BRF1: variants seen among roughly 807,000 people sequenced by gnomAD.
The protein encoded by BRF1 is transcription factor IIIB 90 kDa subunit.
Under a neutral mutation model 81.7 loss-of-function variants are expected in BRF1, and 59 were observed. The ratio of observed to expected loss-of-function variants is 0.72; its 90% confidence interval spans 0.59 to 0.90. BRF1 has a LOEUF of 0.90. Among genes scored for constraint, BRF1 ranks in the 40% least tolerant of loss-of-function variants. BRF1 has a pLI of 0.00. For synonymous variants in BRF1, 491 were observed against 395.6 expected (o/e 1.24, Z -2.86); for missense variants, 1,050 against 936.3 (o/e 1.12, Z -1.58).
intron 6 of BRF1, among the ~76,000 whole-genome samples, chr14:105,229,640 G>C (rs1418819228): frequency 6.6e-6 from 1 of 151,060 alleles, no homozygotes; most frequent in African/African-American, 2.4e-5. Flanking sequence ...GCCCAGCTGG[G>C]GGCGGGGGAC....
At chr14:105,260,639 G>T (rs964908668) in intron 3 of BRF1, among the ~76,000 whole-genome samples, 1 of 152,124 alleles carries the variant, frequency 6.6e-6, no homozygotes, top group Non-Finnish European at 1.5e-5. Context: ...GCCTCCCAAA[G>T]TGCTGGGATT....
intron 5 of BRF1, chr14:105,250,533 A>G: frequency 6.2e-7 from 1 of 1,614,104 alleles, no homozygotes. Context: ...GACGGCAGCG[A>G]ACTCAGCTAC....
chr14:105,292,657 G>C (rs587724730), intron 1 of BRF1, among the ~76,000 whole-genome samples: 61 of 152,330 alleles, frequency 4.0e-4, no homozygotes, highest in South Asian at 2.1e-3. Context: ...TGGGGACGGG[G>C]ACCCGGGAAC....
At chr14:105,294,263 C>A (rs1048352153) in intron 1 of BRF1, among the ~76,000 whole-genome samples, 7 of 152,230 alleles carry the variant, frequency 4.6e-5, no homozygotes, top group African/African-American at 1.7e-4. Context: ...GCTGGGCCTG[C>A]GCCTCCCTCC....
At chr14:105,229,073 T>G (rs138535691) in intron 6 of BRF1, among the ~76,000 whole-genome samples, 160 bp from the exon 7 acceptor site, 12 of 152,224 alleles carry the variant, frequency 7.9e-5, no homozygotes, top group African/African-American at 2.4e-4. Context: ...TGGCTACTCC[T>G]GAACGACATG....
At chr14:105,267,623 A>G (rs147496270) in intron 3 of BRF1, among the ~76,000 whole-genome samples, 1 of 152,156 alleles carries the variant, frequency 6.6e-6, no homozygotes, top group Non-Finnish European at 1.5e-5. Context: ...TGAAATGCCA[A>G]CGTCTTCATG....
chr14:105,313,109 C>T (rs771797498), intron 1 of BRF1, among the ~76,000 whole-genome samples: 6 of 152,276 alleles, frequency 3.9e-5, no homozygotes, highest in South Asian at 2.1e-4. Flanking sequence ...TTAGTCACCC[C>T]GCATCTCCTC....
upstream of BRF1, among the ~76,000 whole-genome samples, chr14:105,303,024 G>A (rs1299002244): frequency 6.6e-6 from 1 of 151,740 alleles, no homozygotes; most frequent in African/African-American, 2.4e-5. Flanking sequence ...CACCTCCCAG[G>A]TTCAAGTGAT....
chr14:105,312,718 T>TA (rs774725180), intron 1 of BRF1, among the ~76,000 whole-genome samples: 23 of 152,178 alleles, frequency 1.5e-4, no homozygotes, highest in Non-Finnish European at 2.9e-4. Flanking sequence ...GCTAAAAAGT[T>TA]ACTCTGATCA....
rs1391273443 is a variant in BRF1 at position 105,269,799 on chromosome 14, C to A, written c.439+2922G>T. 6.6e-6 allele frequency among the ~76,000 whole-genome samples: 1 copy of A among 152,184 alleles called. No individual in the cohort carries two copies. Among genetic ancestry groups the A allele is most frequent in the Non-Finnish European group, 1.5e-5 (1 of 68,032 alleles). On this transcript the variant is annotated intron_variant, in intron 3 of 17. Transcript: ENST00000547530. This position sits in a 1 kb window ranked among gnomAD's most constrained non-coding sequence, Gnocchi z 5.0. The stretch of plus-strand genomic sequence containing the variant: ...TGAGGCAGCAGCATGGACGTGGTTC[C>A]ACCCCACCTTGCTGACGCTGGGGTC...
intron 3 of BRF1, among the ~76,000 whole-genome samples, chr14:105,267,744 G>A (rs1010582973): frequency 6.6e-6 from 1 of 152,240 alleles, no homozygotes; most frequent in African/African-American, 2.4e-5. Flanking sequence ...AGAGGGAGAG[G>A]AGCAGGAACA....
At chr14:105,262,969 G>T (rs932769090) in intron 3 of BRF1, among the ~76,000 whole-genome samples, 1 of 151,840 alleles carries the variant, frequency 6.6e-6, no homozygotes, top group Non-Finnish European at 1.5e-5. Flanking sequence ...GGCTGGACAC[G>T]GTGGCTCACG....
At chr14:105,280,699 C>T (rs587613605) in intron 2 of BRF1, among the ~76,000 whole-genome samples, 2 of 151,176 alleles carry the variant, frequency 1.3e-5, no homozygotes, top group South Asian at 4.2e-4. Flanking sequence ...GTGAAGGCTG[C>T]GTGATCCTGA....
intron 15 of BRF1, among the ~76,000 whole-genome samples, chr14:105,215,628 CA>C (rs1198566507): frequency 6.6e-6 from 1 of 150,784 alleles, no homozygotes; most frequent in African/African-American, 2.4e-5. Context: ...GGCACACACA[CA>C]CTGCATACAC....
At chr14:105,215,962 CACAT>C (rs1336700102) in intron 15 of BRF1, among the ~76,000 whole-genome samples, 1 of 142,220 alleles carries the variant, frequency 7.0e-6, no homozygotes, top group African/African-American at 2.9e-5. Context: ...GGCACACACA[CACAT>C]GCACACACAC....
intron 3 of BRF1, among the ~76,000 whole-genome samples, chr14:105,268,029 G>A (rs1261925758): frequency 3.3e-5 from 5 of 152,262 alleles, no homozygotes; most frequent in East Asian, 1.9e-4. Context: ...GCAGACCTAC[G>A]TGGGGACAGG....
intron 12 of BRF1, 180 bp from the exon 13 acceptor site, chr14:105,219,412 G>A: frequency 7.3e-7 from 1 of 1,365,358 alleles, no homozygotes. Flanking sequence ...GGGACCTGTT[G>A]CTCTGTGGCC....
In BRF1 at chr14:105,211,111, G is replaced by T. The variant is rs376510334; in HGVS notation, c.1996+11C>A. On this transcript the variant is annotated intron_variant, in intron 17 of 17. Transcript: ENST00000547530. ...CCCTTGAACCCCTCCCTGTTGTCGG[G>T]CCCCACCCACCGTTGCTGCCCATCA... 1.9e-5 allele frequency: 30 copies of T among 1,611,738 alleles called. No homozygotes were observed. Among genetic ancestry groups the T allele is most frequent in the Non-Finnish European group, 2.3e-5 (27 of 1,179,904 alleles).
At chr14:105,211,821 A>G (rs1261875058) in intron 16 of BRF1, 2 of 504,088 alleles carry the variant, frequency 4.0e-6, no homozygotes, top group East Asian at 7.1e-5. Flanking sequence ...TGCTTCCTAC[A>G]TACAGGCTCC....
Sources: gnomAD v4.1 joint callset for allele counts (sites outside exome capture counted in the v4.1 genomes callset) on GRCh38, gnomAD v4.1.1 for gene constraint, Gnocchi (gnomAD v3.1) non-coding constraint, MANE v1.5 for transcripts, NCBI Gene and HGNC (gene_info 2026-07-23, HGNC 2026-07-21) for gene names.